The following CDKL3 variants were observed in gnomAD, a reference collection of about 807,000 sequenced individuals.
CDKL3 encodes cyclin-dependent kinase-like 3.
CDKL3 carries 65 observed loss-of-function variants against 69.3 expected under a neutral mutation model. The ratio of observed to expected loss-of-function variants is 0.94; its 90% CI spans 0.77 to 1.15. The LOEUF is 1.15. CDKL3 is among the 50% of genes most tolerant of loss of function. The pLI is 0.00. For synonymous variants in CDKL3, 202 were observed against 221.6 expected, an observed-to-expected ratio of 0.91 and a Z score of 0.79; for missense variants, 652 against 689.2, an observed-to-expected ratio of 0.95 and a Z score of 0.61.
At chr5:134,357,760 T>C (rs576850114) in intron 3 of CDKL3, among the ~76,000 whole-genome samples, 3 of 152,336 alleles carry the variant, frequency 2.0e-5, no homozygotes, top group Admixed American at 2.0e-4. Flanking sequence ...ATCCTTCCTC[T>C]CCTTCCCATT....
chr5:134,371,000 G>A (rs141570561), upstream of CDKL3: 1 of 167,460 alleles, frequency 6.0e-6, no homozygotes, highest in African/African-American at 2.4e-5. Flanking sequence ...TCACAGACCT[G>A]GCTGAAACTC....
In CDKL3 at chr5:134,308,335, T is replaced by G. The variant is rs1311781804; in HGVS notation, c.1167A>C (p.Glu389Asp). ...TATCTGGAGACATAGGATGAACATT[T>G]TCATTTGCATCCTGTTGACCAAGTC... is the stretch of plus-strand genomic sequence containing the variant. Reference protein sequence around the residue: ...EGGLGQQDANENVHPMSPDTK... With the variant: ...EGGLGQQDANDNVHPMSPDTK... Residue 389 changes from glutamate to aspartate, a missense_variant, in exon 9 of 13, where the codon GAA (glutamate) becomes GAC (aspartate). Physicochemically the swap from Glu to Asp is conservative, Grantham distance 45. Transcript: ENST00000265334. 6.2e-7 allele frequency: 1 copy of G among 1,613,932 alleles called. No individual in the cohort carries two copies. The highest frequency in any genetic ancestry group is 1.1e-5 in the South Asian group (1 of 91,078).
upstream of CDKL3, chr5:134,371,498 C>A: frequency 8.6e-6 from 12 of 1,390,930 alleles, no homozygotes; most frequent in South Asian, 1.3e-5. Context: ...GCGGCGGCGG[C>A]GGCGGCGATC....
intron 2 of CDKL3, 114 bp downstream of exon 2, chr5:134,366,245 A>G (rs1757402690): frequency 2.9e-6 from 2 of 698,192 alleles, no homozygotes; most frequent in Non-Finnish European, 4.6e-6. Context: ...AGAGTATTAC[A>G]CTTGTTTCTC....
intron 8 of CDKL3, among the ~76,000 whole-genome samples, chr5:134,292,949 T>G (rs183122310): frequency 8.0e-4 from 120 of 150,188 alleles, no homozygotes; most frequent in African/African-American, 2.7e-3. Context: ...ATTTGTATAT[T>G]AAGATCCTTT....
chr5:134,334,618 C>T (rs781709489), intron 4 of CDKL3, among the ~76,000 whole-genome samples: 5 of 152,058 alleles, frequency 3.3e-5, no homozygotes, highest in African/African-American at 7.2e-5. Context: ...TATAGTTGTG[C>T]GGTTTTGAGT....
chr5:134,367,361 T>G (rs1757704461), upstream of CDKL3: 1 of 815,790 alleles, frequency 1.2e-6, no homozygotes, highest in Non-Finnish European at 1.5e-6. Flanking sequence ...ATAGGAAGGA[T>G]CTGCATCTTT....
chr5:134,289,158 T>C (rs1765007707), intron 8 of CDKL3, among the ~76,000 whole-genome samples: 2 of 106,632 alleles, frequency 1.9e-5, no homozygotes, highest in Admixed American at 2.2e-4. Flanking sequence ...CAAGACCCTG[T>C]CTCATAAAAA....
chr5:134,317,064 AAAAT>A (rs1313494802), intron 6 of CDKL3, among the ~76,000 whole-genome samples: 6 of 152,162 alleles, frequency 3.9e-5, no homozygotes, highest in Non-Finnish European at 5.9e-5. Flanking sequence ...TTTCAAAATA[AAAAT>A]AAATAAATAA....
At chr5:134,321,005 CTTT>C (rs1047803739) in intron 5 of CDKL3, among the ~76,000 whole-genome samples, 1 of 123,574 alleles carries the variant, frequency 8.1e-6, no homozygotes. Context: ...CAAACATATT[CTTT>C]TTTTTTTTTT....
intron 4 of CDKL3, among the ~76,000 whole-genome samples, chr5:134,343,677 T>G (rs935407368): frequency 2.0e-5 from 3 of 152,170 alleles, no homozygotes; most frequent in African/African-American, 7.2e-5. Context: ...CCCATATTGC[T>G]AAACTGGCTT....
rs552359236 is a variant in CDKL3 at position 134,363,675 on chromosome 5, G to C, written c.165+2684C>G. Among the ~76,000 whole-genome samples the C allele has an allele frequency of 2.0e-5, 3 of 152,098 alleles. No homozygotes were observed. In the South Asian group the frequency reaches 6.2e-4, roughly 32 times the overall value. ...AGGGTTTCACCATGTTGCCCAGGCT[G>C]GTCTCGAACTCCTGAGCTCAGGCAA... On this transcript the variant is annotated intron_variant, in intron 2 of 12. Coordinates refer to ENST00000265334, the MANE Select transcript of CDKL3 (RefSeq NM_001113575.2).
chr5:134,337,117 G>A (rs1777318766), intron 4 of CDKL3, among the ~76,000 whole-genome samples: 1 of 152,176 alleles, frequency 6.6e-6, no homozygotes, highest in South Asian at 2.1e-4. Flanking sequence ...TGCTGCACTA[G>A]CAGCAAGCAA....
At chr5:134,295,696 T>A (rs112009576), downstream of CDKL3, among the ~76,000 whole-genome samples, 4 of 152,232 alleles carry the variant, frequency 2.6e-5, no homozygotes, top group African/African-American at 9.7e-5. Context: ...GTTTTTCATG[T>A]TTCTTTAGTA....
At chr5:134,351,019 C>A (rs892511898) in intron 3 of CDKL3, among the ~76,000 whole-genome samples, 17 of 152,106 alleles carry the variant, frequency 1.1e-4, no homozygotes, top group Non-Finnish European at 2.1e-4. Context: ...GATAATGTAA[C>A]CTTCTCTTTT....
At chr5:134,297,607 GTT>G (rs1765424571), downstream of CDKL3, among the ~76,000 whole-genome samples, 1 of 149,750 alleles carries the variant, frequency 6.7e-6, no homozygotes, top group South Asian at 2.1e-4. Context: ...TTGAGACGGA[GTT>G]TCACTCTCGT....
chr5:134,367,368 CTTTTT>C (rs57811547), upstream of CDKL3: 3,666 of 774,040 alleles, frequency 4.7e-3, no homozygotes, highest in Non-Finnish European at 4.9e-3. Context: ...GGATCTGCAT[CTTTTT>C]TTTTTTTTTT....
chr5:134,333,220 G>A (rs182765140), intron 4 of CDKL3, among the ~76,000 whole-genome samples: 380 of 152,344 alleles, frequency 2.5e-3, no homozygotes, highest in African/African-American at 8.9e-3. Flanking sequence ...TCTGGGCTGA[G>A]ACGATGGGGT....
At chr5:134,301,294 G>A (rs1024839555) in intron 12 of CDKL3, among the ~76,000 whole-genome samples, 3 of 152,030 alleles carry the variant, frequency 2.0e-5, no homozygotes, top group Non-Finnish European at 2.9e-5. Context: ...CACTGTGCCC[G>A]GCCTAATGGC....
Sources: gnomAD v4.1 joint callset for allele counts (sites outside exome capture counted in the v4.1 genomes callset) on GRCh38, gnomAD v4.1.1 for gene constraint, MANE v1.5 for transcripts, NCBI Gene and HGNC (gene_info 2026-07-23, HGNC 2026-07-21) for gene names.